Variants in IGF2BP3 observed in about 807,000 individuals in gnomAD.
IGF2BP3 encodes the protein insulin like growth factor 2 mRNA binding protein 3, also known as insulin-like growth factor 2 mRNA-binding protein 3.
A neutral mutation model predicts 73.8 loss-of-function variants in IGF2BP3; 9 were observed. That is an observed-to-expected ratio of 0.12 (90% CI 0.07 to 0.21). The LOEUF is 0.21. Ranked by LOEUF, IGF2BP3 falls within the 10% of genes least tolerant of loss-of-function variation. The pLI, the probability that IGF2BP3 is intolerant of heterozygous loss-of-function variation, is 1.00. For synonymous variants in IGF2BP3, 258 were observed against 256.7 expected (o/e 1.01, Z -0.05); for missense variants, 542 against 714.0 (o/e 0.76, Z 2.75).
At chr7:23,428,953 G>A (rs1437414919) in intron 2 of IGF2BP3, among the ~76,000 whole-genome samples, 4 of 152,068 alleles carry the variant, frequency 2.6e-5, no homozygotes, top group Non-Finnish European at 5.9e-5. Flanking sequence ...ATCTTTTGAT[G>A]TGACTCCAAT....
intron 2 of IGF2BP3, among the ~76,000 whole-genome samples, chr7:23,435,292 C>CAAAAAAAAAAAA (rs35846648): frequency 1.0e-4 from 5 of 47,938 alleles, no homozygotes; most frequent in East Asian, 1.1e-3. Flanking sequence ...GACTCTGTCT[C>CAAAAAAAAAAAA]AAAAAAAAAA....
intron 3 of IGF2BP3, among the ~76,000 whole-genome samples, chr7:23,404,691 C>T (rs1786773312): frequency 7.1e-6 from 1 of 140,140 alleles, no homozygotes; most frequent in Non-Finnish European, 1.5e-5. Flanking sequence ...ATAGTAATTA[C>T]TGAATAGTAA....
At chr7:23,390,287 T>A (rs1009450768) in intron 3 of IGF2BP3, among the ~76,000 whole-genome samples, 1 of 152,184 alleles carries the variant, frequency 6.6e-6, no homozygotes, top group African/African-American at 2.4e-5. Flanking sequence ...TTTTGAACTT[T>A]ACTTTCCAAA....
At chr7:23,433,711 G>C (rs763635494) in intron 2 of IGF2BP3, among the ~76,000 whole-genome samples, 4 of 151,732 alleles carry the variant, frequency 2.6e-5, no homozygotes, top group Non-Finnish European at 4.4e-5. Context: ...TATTTCTATT[G>C]AACAGAGCTT....
rs1426626110 is a variant in IGF2BP3, at chr7:23,469,343, C to G, written c.175+593G>C. The G allele has an allele frequency of 6.6e-6, 1 of 152,134 alleles. No homozygotes were observed. The highest frequency in any genetic ancestry group is 1.5e-5 in the Non-Finnish European group (1 of 68,042). The allele number at this position is 152,134 out of a possible 1,614,324, so 9.4% of individuals were successfully genotyped here. A position where few individuals can be genotyped will look rare whatever the true frequency, so the allele number is the denominator to read the frequency against. On this transcript the variant is annotated intron_variant, in intron 1 of 14. Transcript: ENST00000258729. The surrounding 1 kb of genome is among the most constrained non-coding windows in gnomAD (Gnocchi z 6.1). ...CGCCCCCGCCCACCTGCCCCTATCG[C>G]TCGTCGGACCAGGGGAGGTGGAACG... is the stretch of plus-strand genomic sequence containing the variant.
At chr7:23,373,227 C>T (rs770452589) in intron 3 of IGF2BP3, among the ~76,000 whole-genome samples, 2 of 152,192 alleles carry the variant, frequency 1.3e-5, no homozygotes, top group Non-Finnish European at 2.9e-5. Context: ...CCAGCATTAA[C>T]TTGTGCTACA....
chr7:23,320,680 G>C (rs886656454), intron 10 of IGF2BP3, among the ~76,000 whole-genome samples: 8 of 143,980 alleles, frequency 5.6e-5, no homozygotes, highest in Non-Finnish European at 1.2e-4. Flanking sequence ...AGGCACAGTA[G>C]TTCATGCCTG....
At chr7:23,391,249 G>A (rs1019473512) in intron 3 of IGF2BP3, among the ~76,000 whole-genome samples, 1 of 151,860 alleles carries the variant, frequency 6.6e-6, no homozygotes, top group South Asian at 2.1e-4. Flanking sequence ...ACAGGCGTGT[G>A]CCACTACACC....
At chr7:23,345,545 A>G (rs562430663) in intron 8 of IGF2BP3, among the ~76,000 whole-genome samples, 3 of 152,356 alleles carry the variant, frequency 2.0e-5, no homozygotes, top group Admixed American at 2.0e-4. Context: ...CCACCCAGCT[A>G]AGCTGCTCCT....
intron 3 of IGF2BP3, among the ~76,000 whole-genome samples, chr7:23,400,441 G>A (rs1410249185): frequency 1.3e-5 from 2 of 152,046 alleles, no homozygotes; most frequent in African/African-American, 4.8e-5. Flanking sequence ...GCTATCAGAG[G>A]TTCTTCATAT....
chr7:23,374,363 T>C (rs138192704), intron 3 of IGF2BP3, among the ~76,000 whole-genome samples: 120 of 152,268 alleles, frequency 7.9e-4, no homozygotes, highest in African/African-American at 1.8e-3. Flanking sequence ...AAGTCCCTTA[T>C]ATAAAAATAG....
At chr7:23,336,761 A>G (rs551116961) in intron 10 of IGF2BP3, among the ~76,000 whole-genome samples, 18 of 152,198 alleles carry the variant, frequency 1.2e-4, no homozygotes, top group Non-Finnish European at 2.4e-4. Context: ...CAGCCTGGCA[A>G]ACATGGTAAA....
At chr7:23,430,592 A>G (rs1787650227) in intron 2 of IGF2BP3, among the ~76,000 whole-genome samples, 1 of 152,234 alleles carries the variant, frequency 6.6e-6, no homozygotes, top group Non-Finnish European at 1.5e-5. Context: ...CAATATGGCT[A>G]TACTGTAATT....
chr7:23,394,117 CACA>C (rs1044238756), intron 3 of IGF2BP3, among the ~76,000 whole-genome samples: 9 of 152,070 alleles, frequency 5.9e-5, no homozygotes, highest in African/African-American at 2.2e-4. Flanking sequence ...ATCTAGTTCA[CACA>C]ACAAGGTCTT....
In IGF2BP3 at chr7:23,311,458, TCTC is replaced by T. The variant is rs1783826567; in HGVS notation, c.*901_*903del. The T allele has an allele frequency of 6.5e-6, 1 of 152,678 alleles. No individual in the cohort carries two copies. Among genetic ancestry groups the T allele is most frequent in the African/African-American group, 2.4e-5 (1 of 41,558 alleles). The allele number at this position is 152,678 out of a possible 1,614,324, so 9.5% of individuals were successfully genotyped here. The stretch of plus-strand genomic sequence containing the variant: ...GCCATTTAAACCAGCCGTTCCAAAA[TCTC>T]CTGCGACCACTTTGTTAGTACCGTC... On this transcript the variant is annotated 3_prime_UTR_variant, in exon 15 of 15. Transcript: ENST00000258729.
In IGF2BP3 at chr7:23,412,931, C is replaced by T. The variant is rs1584012943; in HGVS notation, c.285+5845G>A. 2.4e-5 allele frequency among the ~76,000 whole-genome samples: 3 copies of T among 125,982 alleles called. No homozygotes were observed. In the South Asian group the frequency reaches 8.3e-4, roughly 35 times the overall value. 82.6% of individuals were successfully genotyped at this position (125,982 alleles called of 152,430 possible). A position where few individuals can be genotyped will look rare whatever the true frequency, so the allele number is the denominator to read the frequency against. On this transcript the variant is annotated intron_variant, in intron 3 of 14. Transcript: ENST00000258729. Reference sequence around the variant, plus strand: ...CTGGAGTGCAGTGGTGCGATCTTGGCTCACTGCAACCTCCGCCTCCCGGGT... The same window carrying T: ...CTGGAGTGCAGTGGTGCGATCTTGGTTCACTGCAACCTCCGCCTCCCGGGT...
At chr7:23,408,064 A>C (rs956556597) in intron 3 of IGF2BP3, among the ~76,000 whole-genome samples, 5 of 152,084 alleles carry the variant, frequency 3.3e-5, no homozygotes, top group Non-Finnish European at 1.5e-5. Context: ...TTCACTCATC[A>C]TATAGATTGT....
In IGF2BP3 at chr7:23,355,480, C is replaced by T. The variant is rs1321862115; in HGVS notation, c.402-3894G>A. Among the ~76,000 whole-genome samples, 9 of 152,088 alleles carry T rather than the reference C, an allele frequency of 5.9e-5. No homozygotes were observed. In the East Asian group the frequency reaches 7.7e-4, roughly 13 times the overall value. ...TCCTGACCTCAAGTGATCTACCTGC[C>T]TCAGCCTCCCAAAGTGCTTGGATTA... On this transcript the variant is annotated intron_variant, in intron 5 of 14. Transcript: ENST00000258729.
intron 10 of IGF2BP3, among the ~76,000 whole-genome samples, 180 bp downstream of exon 10, chr7:23,341,884 C>T (rs537753892): frequency 6.6e-6 from 1 of 152,170 alleles, no homozygotes; most frequent in Non-Finnish European, 1.5e-5. Context: ...ATGTTGACAA[C>T]CCCGCTATCC....
Sources: gnomAD v4.1 joint callset for allele counts (sites outside exome capture counted in the v4.1 genomes callset) on GRCh38, gnomAD v4.1.1 for gene constraint, Gnocchi (gnomAD v3.1) non-coding constraint, MANE v1.5 for transcripts, NCBI Gene and HGNC (gene_info 2026-07-23, HGNC 2026-07-21) for gene names.